The following OPA1 variants were observed in gnomAD, a reference collection of about 807,000 sequenced individuals.
OPA1 encodes the protein OPA1 mitochondrial dynamin like GTPase, also known as dynamin-like GTPase OPA1, mitochondrial.
In OPA1, 59 loss-of-function variants were observed where a neutral mutation model predicts 152.9. That is an observed-to-expected ratio of 0.39 (90% confidence interval 0.31 to 0.48). OPA1 has a LOEUF of 0.48. Among genes scored for constraint, OPA1 ranks in the 20% least tolerant of loss-of-function variants. The pLI, the probability that OPA1 is intolerant of heterozygous loss-of-function variation, is 0.96. For synonymous variants in OPA1, 400 were observed against 389.9 expected (o/e 1.03, Z -0.31); for missense variants, 1,008 against 1,216.8 (o/e 0.83, Z 2.55).
intron 6 of OPA1, among the ~76,000 whole-genome samples, chr3:193,621,914 G>A (rs1010872754): frequency 2.0e-5 from 3 of 152,206 alleles, no homozygotes; most frequent in East Asian, 3.9e-4. Flanking sequence ...CATATATACC[G>A]GTGACAAGAC....
Position 193,664,970 on chromosome 3 carries a change from T to C in OPA1, c.2752T>C (p.Tyr918His). Residue 918 changes from tyrosine (Y) to histidine (H), a missense_variant, in exon 27 of 31, where the codon TAC (tyrosine) becomes CAC (histidine). This residue lies in a region of OPA1 where 137 missense variants were observed against 171.0 expected (regional missense o/e 0.80). Coordinates refer to ENST00000361510, the MANE Select transcript of OPA1 (RefSeq NM_130837.3). The part of the protein sequence containing the change: ...CNLCRRGFYY[Y>H]QRHFVDSELE... The stretch of plus-strand genomic sequence containing the variant: ...CCTTTGTCGAAGAGGTTTTTATTAC[T>C]ACCAAAGGCATTTTGTAGATTCTGA... The C allele has an allele frequency of 1.3e-6, 2 of 1,597,966 alleles. No homozygotes were observed. Among genetic ancestry groups the C allele is most frequent in the Non-Finnish European group, 1.7e-6 (2 of 1,165,922 alleles).
chr3:193,661,860 G>A (rs1444595529), intron 25 of OPA1, among the ~76,000 whole-genome samples: 1 of 152,128 alleles, frequency 6.6e-6, no homozygotes, highest in African/African-American at 2.4e-5. Flanking sequence ...ACATGTTTAA[G>A]CAAACAGTGA....
chr3:193,626,129 T>G lies in OPA1; in HGVS notation c.716T>G (p.Ile239Ser). The G allele has an allele frequency of 6.2e-7, 1 of 1,614,038 alleles. No individual in the cohort carries two copies. Among genetic ancestry groups the G allele is most frequent in the Non-Finnish European group, 8.5e-7 (1 of 1,179,994 alleles). ...LGELILLQQQ[I>S]QEHEEEARRA... ...GAGCTCATTCTCTTACAACAACAAA[T>G]TCAAGAGCATGAAGAGGAAGCGCGC... The change falls in exon 7 of 31, where the codon ATT (isoleucine) becomes AGT (serine). Residue 239 changes from isoleucine (I) to serine (S), a missense_variant. Ile to Ser is a moderately radical substitution (Grantham distance 142). This residue lies in a region of OPA1 where 408 missense variants were observed against 395.1 expected (regional missense o/e 1.03). Transcript: ENST00000361510.
intron 7 of OPA1, chr3:193,627,320 A>T (rs1378552094): frequency 6.6e-6 from 1 of 152,132 alleles, no homozygotes; most frequent in Non-Finnish European, 1.5e-5. Context: ...AGCTTCGGTG[A>T]GCAAAAACAT....
chr3:193,618,923 A>G lies in OPA1; in HGVS notation c.665A>G (p.Lys222Arg), dbSNP rs1729522355. The change falls in exon 6 of 31, where the codon AAG becomes AGG. Residue 222 changes from lysine (K) to arginine (R), a missense_variant. Lys to Arg is a conservative substitution (Grantham distance 26, BLOSUM62 2). This residue lies in a region of OPA1 where 408 missense variants were observed against 395.1 expected (regional missense o/e 1.03). Transcript: ENST00000361510. ...RATDRGSESD[K>R]HFRKGLLGEL... ...ACAGATCGTGGATCTGAAAGTGACA[A>G]GCATTTTAGAAAGGTAAGTGTAAAA... The G allele has an allele frequency of 1.9e-6, 3 of 1,613,538 alleles. No individual in the cohort carries two copies. Among genetic ancestry groups the G allele is most frequent in the Non-Finnish European group, 2.5e-6 (3 of 1,179,440 alleles).
intron 27 of OPA1, among the ~76,000 whole-genome samples, chr3:193,665,503 A>ATGTTTTAAATGTTTTAAAACAT (rs1716323089): frequency 6.6e-6 from 1 of 152,076 alleles, no homozygotes; most frequent in African/African-American, 2.4e-5. Context: ...CATATCACTA[A>ATGTTTTAAATGTTTTAAAACAT]ATCTTGTTTT....
At chr3:193,645,337 GTTT>G (rs1560376815) in intron 16 of OPA1, among the ~76,000 whole-genome samples, 4 of 151,954 alleles carry the variant, frequency 2.6e-5, no homozygotes, top group Non-Finnish European at 5.9e-5. Flanking sequence ...ATCATTCCGG[GTTT>G]TCGATACGTG....
chr3:193,683,659 A>G (rs1252944770), intron 29 of OPA1, among the ~76,000 whole-genome samples: 2 of 152,188 alleles, frequency 1.3e-5, no homozygotes, highest in Non-Finnish European at 2.9e-5. Flanking sequence ...GTCAGCAGCC[A>G]TCAACGTCAG....
At chr3:193,667,657 C>T (rs989894285) in intron 29 of OPA1, among the ~76,000 whole-genome samples, 2 of 118,486 alleles carry the variant, frequency 1.7e-5, no homozygotes, top group South Asian at 2.7e-4. Context: ...AGCGACAGGG[C>T]GAGATTCTGT....
chr3:193,641,737 A>C (rs1180050075), intron 11 of OPA1, among the ~76,000 whole-genome samples: 2 of 152,368 alleles, frequency 1.3e-5, no homozygotes, highest in East Asian at 3.9e-4. Context: ...TTTTTAAAGT[A>C]AAATAACTAT....
At chr3:193,625,257 T>A (rs1413981069) in intron 6 of OPA1, among the ~76,000 whole-genome samples, 1 of 152,178 alleles carries the variant, frequency 6.6e-6, no homozygotes, top group East Asian at 1.9e-4. Flanking sequence ...ATTTTAGAAA[T>A]AGAAAAGGTG....
chr3:193,688,564 G>A (rs775488569), intron 29 of OPA1, among the ~76,000 whole-genome samples: 1 of 135,444 alleles, frequency 7.4e-6, no homozygotes, highest in East Asian at 2.4e-4. Flanking sequence ...TGCAACCTCC[G>A]CCTCCCGATT....
At chr3:193,626,328 T>TA (rs1731134788) in intron 7 of OPA1, 126 bp downstream of exon 7, 1 of 728,604 alleles carries the variant, frequency 1.4e-6, no homozygotes, top group East Asian at 2.7e-5. Flanking sequence ...AGTGAAAATA[T>TA]AAAAGATGCA....
chr3:193,662,083 T>C (rs1469086172), intron 25 of OPA1, among the ~76,000 whole-genome samples: 3 of 152,150 alleles, frequency 2.0e-5, no homozygotes, highest in Admixed American at 2.0e-4. Context: ...GGGTAATGAT[T>C]GAATTTAAAG....
At chr3:193,668,595 G>C in intron 29 of OPA1, 4 of 1,539,016 alleles carry the variant, frequency 2.6e-6, no homozygotes, top group Non-Finnish European at 3.5e-6. Context: ...TCTTTACCCT[G>C]CCTGTGCTTC....
At chr3:193,672,493 TA>T (rs1254400327) in intron 29 of OPA1, among the ~76,000 whole-genome samples, 1 of 152,230 alleles carries the variant, frequency 6.6e-6, no homozygotes, top group African/African-American at 2.4e-5. Flanking sequence ...TTACACTTTT[TA>T]TTCTCTGTGC....
intron 8 of OPA1, among the ~76,000 whole-genome samples, chr3:193,634,462 G>A (rs1732617988): frequency 6.6e-6 from 1 of 151,908 alleles, no homozygotes; most frequent in African/African-American, 2.4e-5. Context: ...GTCTTCGCCA[G>A]GCTGGAGTGC....
chr3:193,626,272 C>T, intron 7 of OPA1, 70 bp downstream of exon 7: 1 of 1,061,586 alleles, frequency 9.4e-7, no homozygotes, highest in Non-Finnish European at 1.5e-6. Context: ...GATCATGTCA[C>T]CTCAATCTGT....
intron 6 of OPA1, among the ~76,000 whole-genome samples, chr3:193,621,563 C>G (rs552620634): frequency 5.3e-5 from 8 of 152,252 alleles, no homozygotes; most frequent in African/African-American, 1.9e-4. Flanking sequence ...TTTGTGGACA[C>G]TACTGAATTA....
Sources: allele counts gnomAD v4.1 joint callset (sites outside exome capture counted in the v4.1 genomes callset), GRCh38; gene constraint gnomAD v4.1.1; regional missense constraint gnomAD v4.1.1; transcripts MANE v1.5; gene names NCBI Gene and HGNC (gene_info 2026-07-23, HGNC 2026-07-21).